The following DHX30 variants were observed in gnomAD, a reference collection of about 807,000 sequenced individuals.
The protein encoded by DHX30 is ATP-dependent RNA helicase DHX30.
In DHX30, 4 loss-of-function variants were observed where a neutral mutation model predicts 116.9. The ratio of observed to expected loss-of-function variants is 0.03; its 90% CI spans 0.02 to 0.08. The LOEUF (loss-of-function observed/expected upper bound fraction) is 0.08. Ranked by LOEUF, DHX30 falls within the 10% of genes least tolerant of loss-of-function variation. DHX30 has a pLI of 1.00. For missense variants in DHX30, 871 were observed against 1,595.1 expected (o/e 0.55, Z 7.73); for synonymous variants, 697 against 651.7 (o/e 1.07, Z -1.06).
Position 47,846,497 on chromosome 3 carries a change from T to C in DHX30, c.1425T>C (p.Tyr475=). 3 of 1,614,086 alleles carry C rather than the reference T, an allele frequency of 1.9e-6. No individual in the cohort carries two copies. The highest frequency in any genetic ancestry group is 1.1e-5 in the South Asian group (1 of 91,092). ...TRIPQLLLER[Y]VTEGRGARCN... ...TCCCCCAGCTGTTGCTGGAGCGCTA[T>C]GTGACCGAGGGCCGAGGTGCCCGCT... The change falls in exon 11 of 22, where the codon TAT becomes TAC. Residue 475 remains tyrosine, a synonymous_variant. Transcript: ENST00000445061.
At chr3:47,815,910 G>GA in intron 3 of DHX30, 1 of 982,276 alleles carries the variant, frequency 1.0e-6, no homozygotes, top group Non-Finnish European at 1.2e-6. Flanking sequence ...TGCTTAATGA[G>GA]ATAATAACTA....
rs759587153 is a variant in DHX30 at position 47,847,171 on chromosome 3, G to A, written c.1930-102G>A. ...CTGCGTGGCACACGTGAGGATTGGA[G>A]TTGATGTCAAGCGGCTCCGTCTCAC... On this transcript the variant is annotated intron_variant, in intron 11 of 21. Coordinates refer to ENST00000445061, the MANE Select transcript of DHX30 (RefSeq NM_138615.3). This position sits in a 1 kb window ranked among gnomAD's most constrained non-coding sequence, Gnocchi z 5.5. 141 of 1,521,758 alleles carry A rather than the reference G, an allele frequency of 9.3e-5. No individual in the cohort carries two copies. Among genetic ancestry groups the A allele is most frequent in the Non-Finnish European group, 1.2e-4 (133 of 1,100,080 alleles). The allele number at this position is 1,521,758 out of a possible 1,614,324, so 94.3% of individuals were successfully genotyped here.
chr3:47,803,884 A>C (rs2035406677), intron 1 of DHX30, among the ~76,000 whole-genome samples: 1 of 152,188 alleles, frequency 6.6e-6, no homozygotes, highest in Non-Finnish European at 1.5e-5. Flanking sequence ...TTGTGTAGCA[A>C]CATTGGTCAC....
At chr3:47,843,072 A>T in intron 8 of DHX30, 34 bp from the exon 9 acceptor site, 2 of 1,610,460 alleles carry the variant, frequency 1.2e-6, no homozygotes, top group Non-Finnish European at 1.7e-6. Flanking sequence ...CATTCCCTAC[A>T]TTTCTGTAAC....
At position 47,848,565 on chromosome 3, in the gene DHX30, G is replaced by A. The variant is rs777633609; in HGVS notation, c.2575+15G>A. 5 of 1,613,692 alleles carry A rather than the reference G, an allele frequency of 3.1e-6. No individual in the cohort carries two copies. The highest frequency in any genetic ancestry group is 1.6e-4 in the Middle Eastern group (1 of 6,062). ...CCAGGAGATCGGTATGTAGGGGCTG[G>A]GCTGGGCTGGGCTGGGGAGTGGCTC... On this transcript the variant is annotated intron_variant, in intron 16 of 21. Coordinates refer to ENST00000445061, the MANE Select transcript of DHX30 (RefSeq NM_138615.3). This position sits in a 1 kb window ranked among gnomAD's most constrained non-coding sequence, Gnocchi z 9.4.
intron 9 of DHX30, 82 bp from the exon 10 acceptor site, chr3:47,845,618 T>G (rs986780057): frequency 7.2e-7 from 1 of 1,385,352 alleles, no homozygotes; most frequent in African/African-American, 1.4e-5. Flanking sequence ...GCACAACTTA[T>G]GCGTTGGAGC....
intron 4 of DHX30, chr3:47,825,350 C>G (rs2036504949): frequency 7.4e-6 from 4 of 538,146 alleles, no homozygotes; most frequent in East Asian, 3.5e-5. Context: ...CGGGGGTCCT[C>G]TCTTCCATAG....
At chr3:47,835,420 G>A (rs544136854) in intron 6 of DHX30, among the ~76,000 whole-genome samples, 9 of 151,064 alleles carry the variant, frequency 6.0e-5, no homozygotes, top group African/African-American at 1.5e-4. Flanking sequence ...TGCCTGCCTC[G>A]GCTTCCCATA....
chr3:47,803,440 C>A (rs1395257455), intron 1 of DHX30, among the ~76,000 whole-genome samples: 1 of 152,066 alleles, frequency 6.6e-6, no homozygotes. Context: ...CCATGGAGCC[C>A]GGGCGGGGGC....
chr3:47,815,874 A>G (rs1303324160), intron 3 of DHX30: 2 of 956,442 alleles, frequency 2.1e-6, no homozygotes, highest in African/African-American at 3.5e-5. Context: ...ATGGGATTGT[A>G]ACAACTCTCT....
chr3:47,812,557 C>CAA (rs879626832), intron 3 of DHX30, among the ~76,000 whole-genome samples: 1 of 99,388 alleles, frequency 1.0e-5, no homozygotes. Context: ...GAATCCATCT[C>CAA]AAAAAAAAAA....
At chr3:47,829,545 T>C (rs1359463005) in intron 6 of DHX30, among the ~76,000 whole-genome samples, 2 of 151,594 alleles carry the variant, frequency 1.3e-5, no homozygotes, top group Admixed American at 6.6e-5. Flanking sequence ...GGTTTCACCC[T>C]GTTGGCCAGG....
At chr3:47,824,012 T>G (rs1204339981) in intron 4 of DHX30, among the ~76,000 whole-genome samples, 2 of 147,028 alleles carry the variant, frequency 1.4e-5, no homozygotes, top group Non-Finnish European at 3.0e-5. Flanking sequence ...TTTTTTTTTT[T>G]TTTTTTTTGA....
rs557571755 is a variant in DHX30 at position 47,847,099 on chromosome 3, C to T, written c.1929+98C>T. ...GGCTTGGTGCCTGGGGCAAGTTACC[C>T]TCCCCAGTCCTCGGTTTCCTTGATA... On this transcript the variant is annotated intron_variant, in intron 11 of 21. Transcript: ENST00000445061. The surrounding 1 kb of genome is among the most constrained non-coding windows in gnomAD (Gnocchi z 5.5). 12 of 1,499,432 alleles carry T rather than the reference C, an allele frequency of 8.0e-6. No individual in the cohort carries two copies. In the African/African-American group the frequency reaches 1.5e-4, roughly 19 times the overall value. The allele number at this position is 1,499,432 out of a possible 1,614,324, so 92.9% of individuals were successfully genotyped here.
intron 4 of DHX30, among the ~76,000 whole-genome samples, chr3:47,824,251 C>T (rs2036434914): frequency 6.6e-6 from 1 of 152,036 alleles, no homozygotes; most frequent in Non-Finnish European, 1.5e-5. Flanking sequence ...GATCTGCCTG[C>T]CTCGGCTTCC....
At chr3:47,831,812 ATG>A (rs550887056) in intron 6 of DHX30, among the ~76,000 whole-genome samples, 6 of 148,624 alleles carry the variant, frequency 4.0e-5, no homozygotes, top group Non-Finnish European at 7.4e-5. Context: ...CACCCAGCCT[ATG>A]TGTATTTTAC....
intron 6 of DHX30, among the ~76,000 whole-genome samples, chr3:47,839,537 G>A (rs928910794): frequency 4.0e-5 from 6 of 151,372 alleles, no homozygotes; most frequent in Non-Finnish European, 4.4e-5. Context: ...CAGGTGATCC[G>A]CCCACCTCGG....
At chr3:47,809,397 A>G (rs780289572) in intron 2 of DHX30, among the ~76,000 whole-genome samples, 8 of 151,262 alleles carry the variant, frequency 5.3e-5, no homozygotes, top group Non-Finnish European at 1.0e-4. Flanking sequence ...CCGCACAACC[A>G]TGCCTGGCTC....
At chr3:47,841,583 A>G in intron 7 of DHX30, 34 bp from the exon 8 acceptor site, 1 of 1,613,902 alleles carries the variant, frequency 6.2e-7, no homozygotes, top group East Asian at 2.2e-5. Flanking sequence ...CCAGGAAGAG[A>G]GAATTCTTTC....
Sources: allele counts gnomAD v4.1 joint callset (sites outside exome capture counted in the v4.1 genomes callset), GRCh38; gene constraint gnomAD v4.1.1; non-coding constraint Gnocchi (gnomAD v3.1); transcripts MANE v1.5; gene names NCBI Gene and HGNC (gene_info 2026-07-23, HGNC 2026-07-21).